The following RBMS2 variants were observed in gnomAD, a reference collection of about 807,000 sequenced individuals.
RBMS2 encodes RNA-binding motif, single-stranded-interacting protein 2.
Under a neutral mutation model 58.4 loss-of-function variants are expected in RBMS2, and 38 were observed. The observed-to-expected ratio is 0.65, with a 90% CI of 0.50 to 0.85. RBMS2 has a LOEUF of 0.85. Ranked by LOEUF, RBMS2 falls within the 40% of genes least tolerant of loss-of-function variation. The pLI is 0.00. For synonymous variants in RBMS2, 151 were observed against 180.7 expected (o/e 0.84, Z 1.32); for missense variants, 367 against 503.7 (o/e 0.73, Z 2.60).
At chr12:56,553,482 C>A (rs889151641) in intron 1 of RBMS2, among the ~76,000 whole-genome samples, 1 of 152,036 alleles carries the variant, frequency 6.6e-6, no homozygotes, top group African/African-American at 2.4e-5. Flanking sequence ...CGCACACCAC[C>A]AAGTCCGGCT....
chr12:56,527,471 G>A (rs1472245098), intron 1 of RBMS2, among the ~76,000 whole-genome samples: 6 of 152,040 alleles, frequency 3.9e-5, no homozygotes, highest in Admixed American at 3.9e-4. Context: ...AATTAGCCAG[G>A]CATGGTGGCA....
At chr12:56,581,609 C>A in intron 7 of RBMS2, 101 bp downstream of exon 7, 2 of 1,291,252 alleles carry the variant, frequency 1.5e-6, no homozygotes, top group Non-Finnish European at 2.2e-6. Flanking sequence ...AGCTTGAGAG[C>A]TACAGTACGT....
chr12:56,526,166 G>A (rs915220972), intron 1 of RBMS2, among the ~76,000 whole-genome samples: 4 of 151,690 alleles, frequency 2.6e-5, no homozygotes, highest in African/African-American at 9.7e-5. Flanking sequence ...AATTAGCCGG[G>A]TATGGTGGTG....
chr12:56,544,994 G>T (rs1876898925), intron 1 of RBMS2, among the ~76,000 whole-genome samples: 1 of 151,962 alleles, frequency 6.6e-6, no homozygotes, highest in Non-Finnish European at 1.5e-5. Flanking sequence ...TGATTTCTGA[G>T]ATTTTAGTGC....
At chr12:56,531,757 G>A (rs540009443) in intron 1 of RBMS2, among the ~76,000 whole-genome samples, 1 of 148,824 alleles carries the variant, frequency 6.7e-6, no homozygotes, top group African/African-American at 2.5e-5. Context: ...GACAGAGGCT[G>A]CAGTGAGCCG....
In RBMS2 at chr12:56,586,911, C is replaced by T. The variant is rs544664230; in HGVS notation, c.936C>T (p.Tyr312=). ...CATCCTGGATGCACCACCATTCATA[C>T]CTCATGCAGCCTTCAGTGAGTATTC... ...PNPSWMHHHS[Y]LMQPSGSVLT... The change falls in exon 10 of 14, where the codon TAC becomes TAT. Residue 312 remains tyrosine (Y), a synonymous_variant. Coordinates refer to ENST00000262031, the MANE Select transcript of RBMS2 (RefSeq NM_002898.4). 3.1e-6 allele frequency: 5 copies of T among 1,612,920 alleles called. No homozygotes were observed. The African/African-American group carries it at 5.3e-5, about 17-fold the overall frequency.
At position 56,569,483 on chromosome 12, in the gene RBMS2, G is replaced by A. The variant is rs940158756; in HGVS notation, c.293-416G>A. ...AGAGAAAGGGCTATAAGCTGGGGTG[G>A]TGAGGGTCTTCTTCCAGCAGGTGGC... On this transcript the variant is annotated intron_variant, in intron 3 of 13. Transcript: ENST00000262031. Among the ~76,000 whole-genome samples, 12 of 152,168 alleles carry A rather than the reference G, an allele frequency of 7.9e-5. 1 individual carries two copies. The highest frequency in any genetic ancestry group is 7.2e-4 in the Admixed American group (11 of 15,256).
At chr12:56,569,614 G>T (rs1185759410) in intron 3 of RBMS2, among the ~76,000 whole-genome samples, 1 of 152,090 alleles carries the variant, frequency 6.6e-6, no homozygotes, top group Non-Finnish European at 1.5e-5. Flanking sequence ...GGGGGCTTTG[G>T]GTTATTAGCA....
intron 1 of RBMS2, among the ~76,000 whole-genome samples, chr12:56,550,467 C>T (rs1878045587): frequency 1.3e-5 from 2 of 151,944 alleles, no homozygotes. Flanking sequence ...AAGGTTGAGG[C>T]TACAGTGAAC....
At chr12:56,546,487 AC>A (rs986428834) in intron 1 of RBMS2, among the ~76,000 whole-genome samples, 4 of 99,460 alleles carry the variant, frequency 4.0e-5, no homozygotes, top group East Asian at 4.2e-4. Context: ...TATTTTATAT[AC>A]AAAAAATATA....
intron 1 of RBMS2, among the ~76,000 whole-genome samples, chr12:56,531,695 G>T (rs1873757729): frequency 6.6e-6 from 1 of 151,284 alleles, no homozygotes. Flanking sequence ...GGGCGTGGTG[G>T]TGGGCACCTG....
intron 1 of RBMS2, among the ~76,000 whole-genome samples, chr12:56,534,407 G>A (rs918768935): frequency 1.2e-4 from 18 of 152,206 alleles, no homozygotes; most frequent in Non-Finnish European, 2.5e-4. Context: ...TCAGGTATGC[G>A]AATATTCCAC....
intron 5 of RBMS2, chr12:56,580,229 C>A: frequency 8.4e-6 from 3 of 355,800 alleles, no homozygotes; most frequent in East Asian, 2.0e-4. Context: ...CTGAGCCTGG[C>A]CTTTTTTTTT....
intron 5 of RBMS2, among the ~76,000 whole-genome samples, chr12:56,579,489 C>T (rs1002808816): frequency 4.6e-5 from 7 of 151,876 alleles, no homozygotes; most frequent in Non-Finnish European, 8.8e-5. Flanking sequence ...AAAAATTAGC[C>T]GGGTGTGGTG....
intron 1 of RBMS2, among the ~76,000 whole-genome samples, chr12:56,553,696 G>C (rs962585264): frequency 6.6e-6 from 1 of 150,898 alleles, no homozygotes; most frequent in South Asian, 2.1e-4. Flanking sequence ...CAAACTCCTG[G>C]GCTCAAGTGA....
At chr12:56,562,352 A>C in intron 1 of RBMS2, 65 bp from the exon 2 acceptor site, 2 of 1,446,826 alleles carry the variant, frequency 1.4e-6, no homozygotes, top group Non-Finnish European at 1.9e-6. Context: ...GAGGTCCAGG[A>C]TCTTCCTCAC....
At position 56,570,177 on chromosome 12, in the gene RBMS2, G is replaced by A. The variant is rs1371453497; in HGVS notation, c.384+187G>A. The A allele has an allele frequency of 1.2e-5, 7 of 573,120 alleles. 1 individual carries two copies. In the East Asian group the frequency reaches 2.1e-4, roughly 18 times the overall value. The allele number at this position is 573,120 out of a possible 1,614,324, so 35.5% of individuals were successfully genotyped here. On this transcript the variant is annotated intron_variant, in intron 4 of 13. Coordinates refer to ENST00000262031, the MANE Select transcript of RBMS2 (RefSeq NM_002898.4). ...GAAGATGTATTCAAAGTCTATGGCA[G>A]GTAGCTCTATCAGCTCTCTTCCTTT...
intron 1 of RBMS2, among the ~76,000 whole-genome samples, chr12:56,539,015 CTTT>C (rs10605730): frequency 9.7e-5 from 14 of 144,244 alleles, no homozygotes; most frequent in African/African-American, 3.4e-4. Flanking sequence ...TTCAGAAATT[CTTT>C]TTTTTTTTTT....
chr12:56,540,869 G>A (rs1479978045), intron 1 of RBMS2, among the ~76,000 whole-genome samples: 5 of 152,162 alleles, frequency 3.3e-5, no homozygotes, highest in Non-Finnish European at 5.9e-5. Context: ...GGGAGGTCAA[G>A]GCAGGAGGAT....
Sources: gnomAD v4.1 joint callset for allele counts (sites outside exome capture counted in the v4.1 genomes callset) on GRCh38, gnomAD v4.1.1 for gene constraint, MANE v1.5 for transcripts, NCBI Gene and HGNC (gene_info 2026-07-23, HGNC 2026-07-21) for gene names.